Variants in TAF4 observed in about 807,000 individuals in gnomAD.
The protein encoded by TAF4 is TATA-box binding protein associated factor 4.
TAF4 carries 9 observed loss-of-function variants against 90.3 expected under a neutral mutation model. The ratio of observed to expected loss-of-function variants is 0.10; its 90% CI spans 0.06 to 0.17. The LOEUF (loss-of-function observed/expected upper bound fraction) is 0.17. Ranked by LOEUF, TAF4 falls within the 10% of genes least tolerant of loss-of-function variation. TAF4 has a pLI of 1.00. For missense variants in TAF4, 1,351 were observed against 1,370.7 expected (o/e 0.99, Z 0.23); for synonymous variants, 818 against 638.9 (o/e 1.28, Z -4.23).
In TAF4 at chr20:62,064,489, T is replaced by G. The variant is rs2056109991; in HGVS notation, c.1322A>C (p.Gln441Pro). ...VLAPRLPQPP[Q>P]NPTNIQNFQL... is the part of the protein sequence containing the mutation. ...GAAGTTCTGGATGTTGGTCGGGTTC[T>G]GAGGCGGCTGCGGCAAGCGGGGGGC... is the stretch of plus-strand genomic sequence containing the variant. Residue 441 changes from glutamine (Q) to proline (P), a missense_variant, in exon 1 of 15, where the codon CAG (glutamine) becomes CCG (proline). Gln to Pro is a moderately conservative substitution (Grantham distance 76). Transcript: ENST00000252996. 6.6e-7 allele frequency: 1 copy of G among 1,515,058 alleles called. No homozygotes were observed. The highest frequency in any genetic ancestry group is 8.8e-7 in the Non-Finnish European group (1 of 1,132,642). The allele number at this position is 1,515,058 out of a possible 1,614,324, so 93.9% of individuals were successfully genotyped here.
At chr20:62,013,950 T>TGTGTGTGTGA (rs1491288481) in intron 2 of TAF4, among the ~76,000 whole-genome samples, 2 of 126,298 alleles carry the variant, frequency 1.6e-5, no homozygotes, top group African/African-American at 6.1e-5. Context: ...TGTGTGTGTG[T>TGTGTGTGTGA]GAATCCGTGC....
chr20:61,995,950 C>A (rs2055660517), intron 14 of TAF4, among the ~76,000 whole-genome samples: 1 of 151,664 alleles, frequency 6.6e-6, no homozygotes, highest in African/African-American at 2.4e-5. Context: ...CACTGACCTA[C>A]AGATCTGTGA....
intron 1 of TAF4, among the ~76,000 whole-genome samples, chr20:62,015,123 C>T (rs994399176): frequency 3.3e-5 from 5 of 152,222 alleles, no homozygotes; most frequent in African/African-American, 4.8e-5. Flanking sequence ...ACCATGTCTA[C>T]GGCCCATACT....
intron 1 of TAF4, among the ~76,000 whole-genome samples, chr20:62,041,102 C>A (rs576140964): frequency 6.6e-6 from 1 of 152,078 alleles, no homozygotes; most frequent in Admixed American, 6.5e-5. Context: ...GCGACCTGAG[C>A]GCTCCAAAGG....
intron 14 of TAF4, among the ~76,000 whole-genome samples, chr20:61,995,256 T>C (rs2055656403): frequency 1.3e-5 from 2 of 152,132 alleles, no homozygotes; most frequent in African/African-American, 4.8e-5. Context: ...GTGTTGAACT[T>C]GACAAAAACC....
chr20:62,032,798 G>C (rs1288467438), intron 1 of TAF4, among the ~76,000 whole-genome samples: 1 of 152,182 alleles, frequency 6.6e-6, no homozygotes, highest in Non-Finnish European at 1.5e-5. Context: ...GCAGCCGGTG[G>C]CCAACCAGCA....
rs2055799226 is a variant in TAF4 at position 62,014,121 on chromosome 20, GGAC to G, written c.1521+423_1521+425del. 3.9e-5 allele frequency among the ~76,000 whole-genome samples: 6 copies of G among 152,092 alleles called. No homozygotes were observed. In the South Asian group the frequency reaches 1.2e-3, roughly 32 times the overall value. On this transcript the variant is annotated intron_variant, in intron 2 of 14. Coordinates refer to ENST00000252996, the MANE Select transcript of TAF4 (RefSeq NM_003185.4). The stretch of plus-strand genomic sequence containing the variant: ...ACCCCACTCGCACACAGCGGCTCCA[GGAC>G]TCTTGGTGCCTTAAAAGTCTCCATG...
At chr20:62,059,595 T>C (rs899051843) in intron 1 of TAF4, among the ~76,000 whole-genome samples, 2 of 152,230 alleles carry the variant, frequency 1.3e-5, no homozygotes, top group Non-Finnish European at 1.5e-5. Context: ...CAGAAGGGCC[T>C]GCAGCCAAAA....
At chr20:62,023,873 A>T (rs1489575650) in intron 1 of TAF4, among the ~76,000 whole-genome samples, 1 of 152,030 alleles carries the variant, frequency 6.6e-6, no homozygotes, top group African/African-American at 2.4e-5. Context: ...GCCTGAGGTC[A>T]GGAGTTCAAG....
rs546865728 is a variant in TAF4, at chr20:62,037,666, A to T, written c.1361-22959T>A. 2.1e-4 allele frequency: 38 copies of T among 183,484 alleles called. 1 individual carries two copies. Among genetic ancestry groups the T allele is most frequent in the Admixed American group, 1.9e-3 (36 of 18,836 alleles). 11.4% of individuals were successfully genotyped at this position (183,484 alleles called of 1,614,324 possible). A position where few individuals can be genotyped will look rare whatever the true frequency, so the allele number is the denominator to read the frequency against. On this transcript the variant is annotated intron_variant, in intron 1 of 14. Transcript: ENST00000252996. ...CCTCACATTCAGTGTGACTCTCCAC[A>T]TTTTTAATTGTGTGCAGCAAAAATT...
At chr20:62,063,748 G>A (rs1172539319) in intron 1 of TAF4, among the ~76,000 whole-genome samples, 1 of 152,250 alleles carries the variant, frequency 6.6e-6, no homozygotes, top group Non-Finnish European at 1.5e-5. Context: ...GGAAGAGACA[G>A]TGACACACAC....
chr20:61,999,709 G>C (rs550319702), intron 11 of TAF4, among the ~76,000 whole-genome samples: 1 of 152,216 alleles, frequency 6.6e-6, no homozygotes, highest in African/African-American at 2.4e-5. Flanking sequence ...ATTTAAGGAG[G>C]CCAAGTCAGG....
chr20:62,020,586 T>C (rs1275679170), intron 1 of TAF4, among the ~76,000 whole-genome samples: 2 of 152,218 alleles, frequency 1.3e-5, no homozygotes, highest in Admixed American at 6.5e-5. Flanking sequence ...CTCACCGTCA[T>C]GTCGCAGCTC....
intron 1 of TAF4, among the ~76,000 whole-genome samples, chr20:62,055,916 C>T (rs2056060993): frequency 6.6e-6 from 1 of 152,234 alleles, no homozygotes; most frequent in African/African-American, 2.4e-5. Context: ...TCAGCCTTCC[C>T]CCGTGGCCCA....
intron 1 of TAF4, among the ~76,000 whole-genome samples, chr20:62,029,703 C>T (rs376975378): frequency 2.0e-5 from 3 of 152,190 alleles, no homozygotes; most frequent in African/African-American, 4.8e-5. Flanking sequence ...GTCAGGAGAT[C>T]GAGACCAGCC....
chr20:62,065,307 G>GC lies in TAF4; in HGVS notation c.503_504insG (p.Arg169ProfsTer293), dbSNP rs2056123110. ...CGGGCCCGGGGCCGGGGCCGGCGCG[G>GC]GCGGCCAGCGCGGCGGGGCCGGCGG... On this transcript the variant is annotated frameshift_variant, in exon 1 of 15. Coordinates refer to ENST00000252996, the MANE Select transcript of TAF4 (RefSeq NM_003185.4). LOFTEE classifies it high-confidence loss of function. 1 of 926,672 alleles carries GC rather than the reference G, an allele frequency of 1.1e-6. No homozygotes were observed. The highest frequency in any genetic ancestry group is 1.9e-5 in the African/African-American group (1 of 53,050). 57.4% of individuals were successfully genotyped at this position (926,672 alleles called of 1,614,324 possible).
At chr20:62,042,539 C>A (rs1391684105) in intron 1 of TAF4, among the ~76,000 whole-genome samples, 1 of 152,216 alleles carries the variant, frequency 6.6e-6, no homozygotes, top group Non-Finnish European at 1.5e-5. Context: ...TTGTAATCTA[C>A]CCCTAGGTGC....
chr20:62,042,050 C>A (rs2055966648), intron 1 of TAF4, among the ~76,000 whole-genome samples: 1 of 152,184 alleles, frequency 6.6e-6, no homozygotes. Flanking sequence ...AGCCTGGACA[C>A]CTGCAGCCCT....
Position 62,064,570 on chromosome 20 carries a change from C to T in TAF4, c.1241G>A (p.Arg414Gln), listed in dbSNP as rs751536701. ...CCCGCTGGTGGTGGCCGTGGGCGTC[C>T]GGGACAGGCTCTGGGTCACTGCGCC... ...AAGAVTQSLSRTPTATTSGIR... is the reference protein window; with the variant it reads ...AAGAVTQSLSQTPTATTSGIR... Residue 414 changes from arginine to glutamine, a missense_variant, in exon 1 of 15, where the codon CGG becomes CAG. By Grantham distance (43) the Arg-to-Gln change is conservative (BLOSUM62 1). Transcript: ENST00000252996. 20 of 1,513,184 alleles carry T rather than the reference C, an allele frequency of 1.3e-5. 1 individual carries two copies. The Admixed American group carries it at 2.3e-4, about 17-fold the overall frequency. The allele number at this position is 1,513,184 out of a possible 1,614,324, so 93.7% of individuals were successfully genotyped here. A position where few individuals can be genotyped will look rare whatever the true frequency, so the allele number is the denominator to read the frequency against.
Sources: gnomAD v4.1 joint callset for allele counts (sites outside exome capture counted in the v4.1 genomes callset) on GRCh38, gnomAD v4.1.1 for gene constraint, MANE v1.5 for transcripts, NCBI Gene and HGNC (gene_info 2026-07-23, HGNC 2026-07-21) for gene names.